RTP5: variants seen among roughly 807,000 people sequenced by gnomAD.
RTP5 encodes the protein receptor transporter protein 5 (putative), also known as receptor-transporting protein 5.
In RTP5, 30 loss-of-function variants were observed where a neutral mutation model predicts 23.5. The observed-to-expected ratio is 1.27, with a 90% confidence interval of 0.95 to 1.73. RTP5 has a LOEUF of 1.73. RTP5 is among the 40% of genes most tolerant of loss of function. The pLI is 0.00. For synonymous variants in RTP5, 354 were observed against 342.1 expected, an observed-to-expected ratio of 1.03 and a Z score of -0.38; for missense variants, 807 against 784.2, an observed-to-expected ratio of 1.03 and a Z score of -0.35.
chr2:241,871,107 C>T (rs1331024046), intron 1 of RTP5: 12 of 468,562 alleles, frequency 2.6e-5, no homozygotes, highest in Non-Finnish European at 4.4e-5. Flanking sequence ...CGCCTGGTGA[C>T]GCCCAGCAGG....
At position 241,872,511 on chromosome 2, in the gene RTP5, G is replaced by T; in HGVS notation, c.956G>T (p.Gly319Val). Reference sequence around the variant, plus strand: ...CTCAACAATGGCCTCGTCCCTGTGGGGAAACACACGCCAACCGTGTTCTAC... The same window carrying T: ...CTCAACAATGGCCTCGTCCCTGTGGTGAAACACACGCCAACCGTGTTCTAC... ...ISLNNGLVPV[G>V]KHTPTVFYCV... Residue 319 changes from glycine (G) to valine (V), a missense_variant, in exon 2 of 2, where the codon GGG becomes GTG. Physicochemically the swap from Gly to Val is moderately radical, Grantham distance 109 (BLOSUM62 -3). Coordinates refer to ENST00000343216, the MANE Select transcript of RTP5 (RefSeq NM_173821.3). The T allele has an allele frequency of 6.3e-7, 1 of 1,587,212 alleles. No homozygotes were observed. The highest frequency in any genetic ancestry group is 1.1e-5 in the South Asian group (1 of 88,258).
rs559539817 is a variant in RTP5, at chr2:241,871,832, C to G, written c.277C>G (p.Arg93Gly). 3.6e-5 allele frequency: 56 copies of G among 1,554,154 alleles called. 1 individual carries two copies. In the South Asian group the frequency reaches 6.4e-4, roughly 18 times the overall value. Residue 93 changes from arginine to glycine, a missense_variant, in exon 2 of 2, where the codon CGG becomes GGG. Coordinates refer to ENST00000343216, the MANE Select transcript of RTP5 (RefSeq NM_173821.3). ...GLVKMRIWGQ[R>G]CRLCPAPGDC... is the part of the protein sequence containing the mutation. ...GGTGAAGATGCGCATCTGGGGCCAGCGGTGCAGGCTGTGCCCCGCACCCGG... is the reference window on the plus strand; with the variant it reads ...GGTGAAGATGCGCATCTGGGGCCAGGGGTGCAGGCTGTGCCCCGCACCCGG...
chr2:241,873,120 G>T lies in RTP5; in HGVS notation c.1565G>T (p.Arg522Leu), dbSNP rs371380684. The T allele has an allele frequency of 1.2e-6, 2 of 1,612,354 alleles. No individual in the cohort carries two copies. The highest frequency in any genetic ancestry group is 2.2e-5 in the East Asian group (1 of 44,894). Residue 522 changes from arginine to leucine, a missense_variant, in exon 2 of 2, where the codon CGC becomes CTC. Transcript: ENST00000343216. The part of the protein sequence containing the change: ...SRFHKARCGC[R>L]REEDERPGRA... ...TTCCACAAGGCCCGCTGTGGGTGCC[G>T]CCGGGAGGAAGACGAGCGCCCTGGC...
In RTP5 at chr2:241,872,323, T is replaced by C. The variant is rs1701338164; in HGVS notation, c.768T>C (p.Pro256=). ...IFLSGDSVAM[P]GGKGFPVAIG... ...TGTCTGGGGATTCAGTGGCCATGCCTGGGGGCAAAGGCTTCCCGGTGGCCA... is the reference window on the plus strand; with the variant it reads ...TGTCTGGGGATTCAGTGGCCATGCCCGGGGGCAAAGGCTTCCCGGTGGCCA... The change falls in exon 2 of 2, where the codon CCT becomes CCC. Residue 256 remains proline, a synonymous_variant. Transcript: ENST00000343216. The C allele has an allele frequency of 2.5e-6, 4 of 1,606,870 alleles. No individual in the cohort carries two copies. Among genetic ancestry groups the C allele is most frequent in the Non-Finnish European group, 3.4e-6 (4 of 1,177,308 alleles).
chr2:241,872,578 C>A lies in RTP5; in HGVS notation c.1023C>A (p.Phe341Leu). The A allele has an allele frequency of 6.5e-7, 1 of 1,535,874 alleles. No homozygotes were observed. The highest frequency in any genetic ancestry group is 8.8e-7 in the Non-Finnish European group (1 of 1,142,014). ...LSASGEGSLT[F>L]PSSLTSIFTN... The stretch of plus-strand genomic sequence containing the variant: ...CCAGCGGGGAGGGCTCCCTCACCTT[C>A]CCCTCCTCCCTCACCAGCATCTTCA... The change falls in exon 2 of 2, where the codon TTC becomes TTA. Residue 341 changes from phenylalanine (F) to leucine (L), a missense_variant. Transcript: ENST00000343216.
rs1348602925 is a variant in RTP5, at chr2:241,873,215, G to A, written c.1660G>A (p.Val554Ile). The A allele has an allele frequency of 6.2e-6, 10 of 1,605,850 alleles. No individual in the cohort carries two copies. Among genetic ancestry groups the A allele is most frequent in the South Asian group, 4.4e-5 (4 of 91,044 alleles). Residue 554 changes from valine (V) to isoleucine (I), a missense_variant, in exon 2 of 2, where the codon GTC (valine) becomes ATC (isoleucine). Val to Ile is a conservative substitution (Grantham distance 29). Coordinates refer to ENST00000343216, the MANE Select transcript of RTP5 (RefSeq NM_173821.3). ...GATCTGGGTGTCCATGACCGTGTGC[G>A]TCTTCTGGCTGATGTGCATGTGTCG... The part of the protein sequence containing the change: ...FWIWVSMTVC[V>I]FWLMCMCRLN...
rs561592231 is a variant in RTP5 at position 241,873,317 on chromosome 2, C to T, written c.*43C>T. 26 of 1,531,548 alleles carry T rather than the reference C, an allele frequency of 1.7e-5. No homozygotes were observed. The highest frequency in any genetic ancestry group is 6.8e-5 in the African/African-American group (5 of 73,038). The allele number at this position is 1,531,548 out of a possible 1,614,324, so 94.9% of individuals were successfully genotyped here. On this transcript the variant is annotated 3_prime_UTR_variant, in exon 2 of 2. Transcript: ENST00000343216. ...AACCCTCGCCTCTGGGACCCCGCCT[C>T]GCCTCTGAGACACCCCCCAACCCCG...
Position 241,871,841 on chromosome 2 carries a change from C to A in RTP5, c.286C>A (p.Leu96Met). 1.3e-6 allele frequency: 2 copies of A among 1,550,448 alleles called. No homozygotes were observed. Among genetic ancestry groups the A allele is most frequent in the Non-Finnish European group, 1.7e-6 (2 of 1,147,114 alleles). The change falls in exon 2 of 2, where the codon CTG (leucine) becomes ATG (methionine). Residue 96 changes from leucine (L) to methionine (M), a missense_variant. Physicochemically the swap from Leu to Met is conservative, Grantham distance 15 (BLOSUM62 2). Coordinates refer to ENST00000343216, the MANE Select transcript of RTP5 (RefSeq NM_173821.3). ...GCGCATCTGGGGCCAGCGGTGCAGG[C>A]TGTGCCCCGCACCCGGGGACTGCCA... Reference protein sequence around the residue: ...KMRIWGQRCRLCPAPGDCQVR... With the variant: ...KMRIWGQRCRMCPAPGDCQVR...
At chr2:241,870,676 G>C (rs1306998101) in intron 1 of RTP5, among the ~76,000 whole-genome samples, 1 of 152,346 alleles carries the variant, frequency 6.6e-6, no homozygotes, top group South Asian at 2.1e-4. Flanking sequence ...GTAATAACCC[G>C]TGTTGGGGTC....
At position 241,872,958 on chromosome 2, in the gene RTP5, G is replaced by C. The variant is rs745671440; in HGVS notation, c.1403G>C (p.Ser468Thr). 1 of 1,612,966 alleles carries C rather than the reference G, an allele frequency of 6.2e-7. No homozygotes were observed. Among genetic ancestry groups the C allele is most frequent in the African/African-American group, 1.3e-5 (1 of 74,936 alleles). Reference sequence around the variant, plus strand: ...AATGCCGAGGGCCCCATCACGGTTAGTGAGGGCTGCATCACCATCCCCTTC... The same window carrying C: ...AATGCCGAGGGCCCCATCACGGTTACTGAGGGCTGCATCACCATCCCCTTC... ...EANAEGPITVSEGCITIPFAV... is the reference protein window; with the variant it reads ...EANAEGPITVTEGCITIPFAV... The change falls in exon 2 of 2, where the codon AGT (serine) becomes ACT (threonine). Residue 468 changes from serine (S) to threonine (T), a missense_variant. Coordinates refer to ENST00000343216, the MANE Select transcript of RTP5 (RefSeq NM_173821.3).
In RTP5 at chr2:241,872,689, G is replaced by A. The variant is rs1417158100; in HGVS notation, c.1134G>A (p.Lys378=). Residue 378 remains lysine, a synonymous_variant, in exon 2 of 2, where the codon AAG becomes AAA. Coordinates refer to ENST00000343216, the MANE Select transcript of RTP5 (RefSeq NM_173821.3). ...TCCCCTTCATCTTTACTGATGTCAA[G>A]GATGCCGTTGCTGAGGTGGCTGAAG... ...ITFPFIFTDV[K]DAVAEVAEGN... 2 of 1,602,944 alleles carry A rather than the reference G, an allele frequency of 1.2e-6. No homozygotes were observed. The highest frequency in any genetic ancestry group is 1.1e-5 in the South Asian group (1 of 89,854).
intron 1 of RTP5, among the ~76,000 whole-genome samples, chr2:241,870,752 A>T (rs1204538065): frequency 6.6e-6 from 1 of 152,256 alleles, no homozygotes; most frequent in Non-Finnish European, 1.5e-5. Flanking sequence ...AGCGGCTCCC[A>T]GCTGGCGGGA....
rs1180663041 is a variant in RTP5 at position 241,872,525 on chromosome 2, A to G, written c.970A>G (p.Thr324Ala). The change falls in exon 2 of 2, where the codon ACC (threonine) becomes GCC (alanine). Residue 324 changes from threonine to alanine, a missense_variant. Transcript: ENST00000343216. ...GLVPVGKHTP[T>A]VFYCVGLSAS... The stretch of plus-strand genomic sequence containing the variant: ...CGTCCCTGTGGGGAAACACACGCCA[A>G]CCGTGTTCTACTGTGTGGGCCTCTC... 4 of 1,579,746 alleles carry G rather than the reference A, an allele frequency of 2.5e-6. No homozygotes were observed. Among genetic ancestry groups the G allele is most frequent in the Non-Finnish European group, 3.4e-6 (4 of 1,161,702 alleles).
Position 241,873,196 on chromosome 2 carries a change from G to C in RTP5, c.1641G>C (p.Trp547Cys), listed in dbSNP as rs541145009. 6.2e-7 allele frequency: 1 copy of C among 1,609,748 alleles called. No homozygotes were observed. The highest frequency in any genetic ancestry group is 1.1e-5 in the South Asian group (1 of 91,072). The change falls in exon 2 of 2, where the codon TGG becomes TGC. Residue 547 changes from tryptophan to cysteine, a missense_variant. Coordinates refer to ENST00000343216, the MANE Select transcript of RTP5 (RefSeq NM_173821.3). The part of the protein sequence containing the change: ...HAEPYEDFWI[W>C]VSMTVCVFWL... ...AGCCCTACGAGGACTTCTGGATCTG[G>C]GTGTCCATGACCGTGTGCGTCTTCT... is the stretch of plus-strand genomic sequence containing the variant.
intron 1 of RTP5, among the ~76,000 whole-genome samples, chr2:241,870,165 G>A (rs997189926): frequency 2.0e-5 from 3 of 152,172 alleles, no homozygotes; most frequent in Non-Finnish European, 2.9e-5. Context: ...TCCCTCACTC[G>A]GCTCCTTGGG....
chr2:241,871,700 T>C lies in RTP5; in HGVS notation c.159-14T>C. The C allele has an allele frequency of 1.3e-6, 2 of 1,582,866 alleles. No individual in the cohort carries two copies. Among genetic ancestry groups the C allele is most frequent in the Non-Finnish European group, 1.7e-6 (2 of 1,165,246 alleles). Reference sequence around the variant, plus strand: ...TTTCTCCTGCACTCACACACACTTCTTTCCCCGCCGCAGGCTCCAGTGCGG... The same window carrying C: ...TTTCTCCTGCACTCACACACACTTCCTTCCCCGCCGCAGGCTCCAGTGCGG... On this transcript the variant is annotated splice_polypyrimidine_tract_variant and intron_variant, in intron 1 of 1. Coordinates refer to ENST00000343216, the MANE Select transcript of RTP5 (RefSeq NM_173821.3).
chr2:241,869,981 G>C, intron 1 of RTP5, 67 bp downstream of exon 1: 4 of 1,366,220 alleles, frequency 2.9e-6, no homozygotes, highest in Non-Finnish European at 3.8e-6. Context: ...CGGGACCTTG[G>C]GTGGTCCCAG....
chr2:241,872,200 G>A lies in RTP5; in HGVS notation c.645G>A (p.Gln215=), dbSNP rs762732197. The change falls in exon 2 of 2, where the codon CAG becomes CAA. Residue 215 remains glutamine, a synonymous_variant. Coordinates refer to ENST00000343216, the MANE Select transcript of RTP5 (RefSeq NM_173821.3). ...PFSLVGTSND[Q]VPIAEGPAPP... ...CCCTTGTGGGTACCAGCAATGACCAGGTGCCCATCGCTGAGGGCCCTGCCC... is the reference window on the plus strand; with the variant it reads ...CCCTTGTGGGTACCAGCAATGACCAAGTGCCCATCGCTGAGGGCCCTGCCC... 9 of 1,611,918 alleles carry A rather than the reference G, an allele frequency of 5.6e-6. No individual in the cohort carries two copies. Among genetic ancestry groups the A allele is most frequent in the Non-Finnish European group, 6.8e-6 (8 of 1,179,192 alleles).
chr2:241,870,875 G>A (rs923983627), intron 1 of RTP5: 2 of 463,242 alleles, frequency 4.3e-6, no homozygotes, highest in Non-Finnish European at 9.0e-6. Flanking sequence ...ACGTGTCCAC[G>A]GGCTCTGTGG....
Sources: allele counts gnomAD v4.1 joint callset (sites outside exome capture counted in the v4.1 genomes callset), GRCh38; gene constraint gnomAD v4.1.1; transcripts MANE v1.5; gene names NCBI Gene and HGNC (gene_info 2026-07-23, HGNC 2026-07-21).